CCDC102B: variants seen among roughly 807,000 people sequenced by gnomAD.
CCDC102B encodes the protein coiled-coil domain containing 102B, also known as coiled-coil domain-containing protein 102B.
A neutral mutation model predicts 57.4 loss-of-function variants in CCDC102B; 75 were observed. The observed-to-expected ratio is 1.31, with a 90% CI of 1.08 to 1.58. The LOEUF (loss-of-function observed/expected upper bound fraction) is 1.58. Among genes scored for constraint, CCDC102B ranks in the 40% most tolerant of loss-of-function variants. The probability of loss-of-function intolerance (pLI) is 0.00; values close to 1 mark genes in which losing one functional copy is unlikely to be tolerated. For missense variants in CCDC102B, 636 were observed against 582.6 expected (o/e 1.09, Z -0.94); for synonymous variants, 206 against 201.9 (o/e 1.02, Z -0.17).
rs2187094 is a variant in CCDC102B at position 68,846,378 on chromosome 18, A to G, written c.893A>G (p.Lys298Arg). 591,099 of 1,585,850 alleles carry G rather than the reference A, an allele frequency of 0.37. 114,949 individuals carry two copies. Among genetic ancestry groups the G allele is most frequent in the East Asian group, 0.62 (26,040 of 42,052 alleles). ...LESALSLWKWKYEELKESKPK... is the reference protein window; with the variant it reads ...LESALSLWKWRYEELKESKPK... ...TCGGCTTTGTCTCTGTGGAAGTGGA[A>G]GTATGAAGAACTGAAAGAATCAAAG... The change falls in exon 4 of 8, where the codon AAG becomes AGG. Residue 298 changes from lysine to arginine, a missense_variant. Transcript: ENST00000360242.
At chr18:68,997,711 G>A (rs1178154411) in intron 6 of CCDC102B, among the ~76,000 whole-genome samples, 1 of 151,358 alleles carries the variant, frequency 6.6e-6, no homozygotes, top group African/African-American at 2.4e-5. Flanking sequence ...ATTCATCCGT[G>A]TCTTTTTAAT....
intron 1 of CCDC102B, among the ~76,000 whole-genome samples, chr18:68,825,455 C>G (rs1408961748): frequency 6.6e-6 from 1 of 152,014 alleles, no homozygotes; most frequent in Non-Finnish European, 1.5e-5. Flanking sequence ...TTTGGGAGGC[C>G]GAGGTGGGCA....
At chr18:68,939,209 G>A (rs2049318864) in intron 6 of CCDC102B, among the ~76,000 whole-genome samples, 1 of 151,754 alleles carries the variant, frequency 6.6e-6, no homozygotes, top group African/African-American at 2.4e-5. Context: ...ATACTCTTAA[G>A]ATTATAGTTG....
intron 6 of CCDC102B, among the ~76,000 whole-genome samples, chr18:69,005,627 A>G (rs532586320): frequency 8.0e-4 from 121 of 152,018 alleles, no homozygotes; most frequent in African/African-American, 2.8e-3. Flanking sequence ...CTCAATCTTC[A>G]GTAGTTGATG....
Position 68,931,733 on chromosome 18 carries a change from C to T in CCDC102B, c.1263+34305C>T, listed in dbSNP as rs147089348. 3.3e-5 allele frequency among the ~76,000 whole-genome samples: 5 copies of T among 151,944 alleles called. No individual in the cohort carries two copies. In the East Asian group the frequency reaches 9.7e-4, roughly 30 times the overall value. ...CCATCTGGCAGAAGATGATAGAGAG[C>T]ACAGGTATGTATCCTTAGGGAAGCC... On this transcript the variant is annotated intron_variant, in intron 6 of 7. Transcript: ENST00000360242.
chr18:68,809,911 G>C (rs1396244644), intron 1 of CCDC102B, among the ~76,000 whole-genome samples: 6 of 152,012 alleles, frequency 3.9e-5, no homozygotes, highest in African/African-American at 1.4e-4. Flanking sequence ...TTTCTCATTT[G>C]TTTGTCTCTT....
intron 4 of CCDC102B, chr18:68,866,997 T>G (rs555650978): frequency 3.0e-6 from 1 of 337,756 alleles, no homozygotes; most frequent in East Asian, 6.9e-5. Context: ...GTTCTTACTG[T>G]GTTGTGGTCT....
intron 7 of CCDC102B, among the ~76,000 whole-genome samples, chr18:69,030,748 G>A (rs1429122532): frequency 6.6e-6 from 1 of 152,088 alleles, no homozygotes; most frequent in African/African-American, 2.4e-5. Flanking sequence ...TCCACCTCCT[G>A]GGTTCAAGCA....
chr18:68,952,058 G>A (rs528029248), intron 6 of CCDC102B, among the ~76,000 whole-genome samples: 15 of 152,116 alleles, frequency 9.9e-5, no homozygotes, highest in South Asian at 2.1e-4. Flanking sequence ...AGTGACATCC[G>A]TTTTATTTCT....
intron 2 of CCDC102B, chr18:68,838,371 G>C: frequency 1.0e-6 from 1 of 974,276 alleles, no homozygotes. Context: ...AAAGAAACTT[G>C]AAAGAGGAAT....
chr18:68,769,564 A>C (rs1231847984), intron 2 of CCDC102B, among the ~76,000 whole-genome samples: 2 of 152,098 alleles, frequency 1.3e-5, no homozygotes, highest in East Asian at 3.9e-4. Flanking sequence ...CCTCCAATCA[A>C]AGCCTTGGGC....
intron 7 of CCDC102B, among the ~76,000 whole-genome samples, chr18:69,030,399 A>G (rs2052107168): frequency 6.6e-6 from 1 of 152,228 alleles, no homozygotes; most frequent in African/African-American, 2.4e-5. Context: ...AATATCTGGA[A>G]AGATATGGCA....
At position 68,897,217 on chromosome 18, in the gene CCDC102B, A is replaced by G; in HGVS notation, c.1054-2A>G. 6.2e-7 allele frequency: 1 copy of G among 1,610,610 alleles called. No homozygotes were observed. Among genetic ancestry groups the G allele is most frequent in the Non-Finnish European group, 8.5e-7 (1 of 1,178,102 alleles). ...CTGCTTCTTTGTGTTTTCTGTGTGTAGCTAGAGAGATTGCAAGCTGAAAAT... is the reference window on the plus strand; with the variant it reads ...CTGCTTCTTTGTGTTTTCTGTGTGTGGCTAGAGAGATTGCAAGCTGAAAAT... On this transcript the variant is annotated splice_acceptor_variant, in intron 5 of 7. Coordinates refer to ENST00000360242, the MANE Select transcript of CCDC102B (RefSeq NM_024781.3). LOFTEE classifies it high-confidence loss of function.
intron 6 of CCDC102B, among the ~76,000 whole-genome samples, chr18:68,940,175 A>C (rs1345440337): frequency 6.6e-6 from 1 of 151,774 alleles, no homozygotes; most frequent in East Asian, 1.9e-4. Context: ...ATTCTACTAA[A>C]ATGAGTCATA....
At chr18:69,009,655 T>C (rs1211070263) in intron 6 of CCDC102B, among the ~76,000 whole-genome samples, 2 of 152,070 alleles carry the variant, frequency 1.3e-5, no homozygotes, top group Non-Finnish European at 2.9e-5. Context: ...CAATATTTTA[T>C]GGCTATTTTT....
intron 2 of CCDC102B, among the ~76,000 whole-genome samples, chr18:68,746,120 C>T (rs1030107353): frequency 5.9e-5 from 9 of 152,162 alleles, no homozygotes; most frequent in African/African-American, 1.7e-4. Context: ...ACATATGCAA[C>T]GCATGACATC....
At chr18:68,950,680 A>G (rs911359892) in intron 6 of CCDC102B, among the ~76,000 whole-genome samples, 1 of 152,116 alleles carries the variant, frequency 6.6e-6, no homozygotes, top group African/African-American at 2.4e-5. Context: ...ATATACACAT[A>G]TAACATGTCT....
intron 6 of CCDC102B, among the ~76,000 whole-genome samples, chr18:68,931,226 T>G (rs2041662901): frequency 6.6e-6 from 1 of 151,934 alleles, no homozygotes; most frequent in Non-Finnish European, 1.5e-5. Flanking sequence ...GCTTTACATT[T>G]GTCAACTGCT....
At chr18:68,982,287 T>C (rs1377657213) in intron 6 of CCDC102B, among the ~76,000 whole-genome samples, 3 of 152,006 alleles carry the variant, frequency 2.0e-5, no homozygotes, top group East Asian at 1.9e-4. Flanking sequence ...TTGAGTTGTA[T>C]TGAACTTAGT....
Sources: gnomAD v4.1 joint callset for allele counts (sites outside exome capture counted in the v4.1 genomes callset) on GRCh38, gnomAD v4.1.1 for gene constraint, MANE v1.5 for transcripts, NCBI Gene and HGNC (gene_info 2026-07-23, HGNC 2026-07-21) for gene names.